The following HS2ST1 variants were observed in gnomAD, a reference collection of about 807,000 sequenced individuals.
HS2ST1 encodes heparan sulfate 2-O-sulfotransferase 1, also known as 2-O-sulfotransferase.
A neutral mutation model predicts 42.9 loss-of-function variants in HS2ST1; 18 were observed. The ratio of observed to expected loss-of-function variants is 0.42; its 90% CI spans 0.29 to 0.62. HS2ST1 has a LOEUF of 0.62. Ranked by LOEUF, HS2ST1 falls within the 20% of genes least tolerant of loss-of-function variation. The probability of loss-of-function intolerance (pLI) is 0.21; values close to 1 mark genes in which losing one functional copy is unlikely to be tolerated. For synonymous variants in HS2ST1, 146 were observed against 152.9 expected, an observed-to-expected ratio of 0.95 and a Z score of 0.33; for missense variants, 334 against 433.8, an observed-to-expected ratio of 0.77 and a Z score of 2.04.
chr1:87,092,606 C>A lies in HS2ST1; in HGVS notation c.525C>A (p.Tyr175Ter). 1 of 1,590,702 alleles carries A rather than the reference C, an allele frequency of 6.3e-7. No homozygotes were observed. The highest frequency in any genetic ancestry group is 8.6e-7 in the Non-Finnish European group (1 of 1,168,282). Residue 175 changes from tyrosine to a stop codon, truncating the protein, a stop_gained, in exon 4 of 7, where the codon TAC becomes TAA. Transcript: ENST00000370550. LOFTEE classifies it high-confidence loss of function. ...DPIERLVSYY[Y>*]FLRFGDDYRP... Reference sequence around the variant, plus strand: ...TTGAGAGGCTAGTTTCTTATTATTACTTTCTGAGATTTGGAGATGATTATA... The same window carrying A: ...TTGAGAGGCTAGTTTCTTATTATTAATTTCTGAGATTTGGAGATGATTATA...
chr1:87,104,760 G>C lies in HS2ST1; in HGVS notation c.*64G>C. On this transcript the variant is annotated 3_prime_UTR_variant, in exon 7 of 7. Transcript: ENST00000370550. ...GACCCTGTCTTCACCTTTGTTCTCA[G>C]CTCCACAGTCTGGATTGCTGACAGT... The C allele has an allele frequency of 2.0e-6, 2 of 985,546 alleles. No homozygotes were observed. The highest frequency in any genetic ancestry group is 3.2e-6 in the Non-Finnish European group (2 of 630,052). 61.1% of individuals were successfully genotyped at this position (985,546 alleles called of 1,614,324 possible). A position where few individuals can be genotyped will look rare whatever the true frequency, so the allele number is the denominator to read the frequency against.
intron 1 of HS2ST1, among the ~76,000 whole-genome samples, chr1:87,059,815 G>C (rs1031730968): frequency 3.3e-5 from 5 of 152,108 alleles, no homozygotes; most frequent in African/African-American, 1.2e-4. Context: ...TCTGACTCTG[G>C]TCAGTACAAT....
chr1:87,109,964 AATG>A lies in HS2ST1; in HGVS notation c.*5271_*5273del, dbSNP rs1412953396. On this transcript the variant is annotated 3_prime_UTR_variant, in exon 7 of 7. Transcript: ENST00000370550. ...AGAATACTGGTTTTGTCATTTCATA[AATG>A]ATATTTTTATAAATATTTTTGAATG... The A allele has an allele frequency of 2.0e-5, 3 of 152,226 alleles. No homozygotes were observed. The highest frequency in any genetic ancestry group is 4.8e-5 in the African/African-American group (2 of 41,554). 9.4% of individuals were successfully genotyped at this position (152,226 alleles called of 1,614,324 possible). A position where few individuals can be genotyped will look rare whatever the true frequency, so the allele number is the denominator to read the frequency against.
At chr1:86,931,009 G>A (rs1484681829) in intron 1 of HS2ST1, among the ~76,000 whole-genome samples, 1 of 151,956 alleles carries the variant, frequency 6.6e-6, no homozygotes, top group African/African-American at 2.4e-5. Flanking sequence ...TAAAAAGAAT[G>A]TTCTTTGAAA....
rs140059668 is a variant in HS2ST1 at position 87,104,887 on chromosome 1, T to C, written c.*191T>C. The C allele has an allele frequency of 1.0e-4, 54 of 516,834 alleles. No individual in the cohort carries two copies. In the East Asian group the frequency reaches 1.6e-3, roughly 16 times the overall value. The allele number at this position is 516,834 out of a possible 1,614,324, so 32.0% of individuals were successfully genotyped here. On this transcript the variant is annotated 3_prime_UTR_variant, in exon 7 of 7. Transcript: ENST00000370550. ...TTGTCAGTGTTCTAAGTTTCAGGCA[T>C]TTTTATTTTTCCTGGCTAAACGTTG...
intron 1 of HS2ST1, among the ~76,000 whole-genome samples, chr1:86,919,236 C>T (rs1315924345): frequency 6.6e-6 from 1 of 152,074 alleles, no homozygotes; most frequent in Non-Finnish European, 1.5e-5. Context: ...TGAGCCACTG[C>T]ACCCGGCCTC....
chr1:86,980,126 T>G (rs1648535414), intron 1 of HS2ST1, among the ~76,000 whole-genome samples: 1 of 152,214 alleles, frequency 6.6e-6, no homozygotes, highest in Admixed American at 6.5e-5. Flanking sequence ...AAAATGTGTA[T>G]TGAATGCCTG....
rs147322449 is a variant in HS2ST1 at position 87,056,859 on chromosome 1, T to C, written c.125-16075T>C. Among the ~76,000 whole-genome samples, 792 of 152,328 alleles carry C rather than the reference T, an allele frequency of 5.2e-3. 4 individuals are homozygous for C. The highest frequency in any genetic ancestry group is 0.024 in the Middle Eastern group (7 of 294). ...CTTGAATAGTGTATATTCATTAATATGGTTTTCTATCACATTGCAGTTAAC... is the reference window on the plus strand; with the variant it reads ...CTTGAATAGTGTATATTCATTAATACGGTTTTCTATCACATTGCAGTTAAC... On this transcript the variant is annotated intron_variant, in intron 1 of 6. Transcript: ENST00000370550.
intron 1 of HS2ST1, among the ~76,000 whole-genome samples, chr1:87,036,151 A>G (rs1650369707): frequency 6.6e-6 from 1 of 152,132 alleles, no homozygotes; most frequent in Non-Finnish European, 1.5e-5. Flanking sequence ...ATCCTGTTTT[A>G]TGGCCACATC....
intron 1 of HS2ST1, among the ~76,000 whole-genome samples, chr1:87,056,222 C>CT (rs1452811601): frequency 6.6e-6 from 1 of 152,130 alleles, no homozygotes; most frequent in Non-Finnish European, 1.5e-5. Context: ...GCAAGATTGC[C>CT]TCTCGTGTTT....
chr1:86,919,874 T>C (rs1441400239), intron 1 of HS2ST1, among the ~76,000 whole-genome samples: 1 of 152,198 alleles, frequency 6.6e-6, no homozygotes, highest in East Asian at 1.9e-4. Flanking sequence ...AATACTTCAT[T>C]GTATTAAAAT....
chr1:86,977,969 A>G (rs903078988), intron 1 of HS2ST1, among the ~76,000 whole-genome samples: 1 of 152,232 alleles, frequency 6.6e-6, no homozygotes. Context: ...CCATAAAATT[A>G]TAGTAAAGCT....
rs1042529754 is a variant in HS2ST1, at chr1:86,914,706, G to A, written c.-331G>A. 6.4e-6 allele frequency: 2 copies of A among 313,398 alleles called. No individual in the cohort carries two copies. Among genetic ancestry groups the A allele is most frequent in the Non-Finnish European group, 1.2e-5 (2 of 167,374 alleles). The allele number at this position is 313,398 out of a possible 1,614,324, so 19.4% of individuals were successfully genotyped here. On this transcript the variant is annotated 5_prime_UTR_variant, in exon 1 of 7. Coordinates refer to ENST00000370550, the MANE Select transcript of HS2ST1 (RefSeq NM_012262.4). ...GGAGGGAAGGAAGGAAGAGAGGGAG[G>A]CGGGCAAGCAGGCGGGCGCGGGGGT...
intron 1 of HS2ST1, among the ~76,000 whole-genome samples, chr1:87,050,339 C>T (rs1056791977): frequency 2.0e-5 from 3 of 151,208 alleles, no homozygotes; most frequent in Non-Finnish European, 3.0e-5. Flanking sequence ...TAATCTTATT[C>T]CTAAAATTTC....
At chr1:86,918,923 G>T in intron 1 of HS2ST1, among the ~76,000 whole-genome samples, 1 of 148,240 alleles carries the variant, frequency 6.7e-6, no homozygotes. Flanking sequence ...ATTAGAATTA[G>T]TAATCCTTTA....
intron 1 of HS2ST1, among the ~76,000 whole-genome samples, chr1:87,014,436 C>G (rs1216566445): frequency 6.6e-6 from 1 of 152,178 alleles, no homozygotes; most frequent in African/African-American, 2.4e-5. Flanking sequence ...CCCACTGGTT[C>G]CCTCCCATGA....
At chr1:87,055,543 G>A (rs1200118272) in intron 1 of HS2ST1, among the ~76,000 whole-genome samples, 1 of 152,140 alleles carries the variant, frequency 6.6e-6, no homozygotes, top group African/African-American at 2.4e-5. Flanking sequence ...ATAAAATCTT[G>A]CATTGTAGAA....
intron 4 of HS2ST1, among the ~76,000 whole-genome samples, chr1:87,095,605 TA>T (rs1473597083): frequency 6.6e-6 from 1 of 152,204 alleles, no homozygotes; most frequent in Non-Finnish European, 1.5e-5. Context: ...AAAATAGGGA[TA>T]TTAAGTAATC....
intron 1 of HS2ST1, chr1:87,045,512 G>T (rs1028538164): frequency 1.1e-6 from 1 of 874,512 alleles, no homozygotes; most frequent in African/African-American, 1.6e-5. Context: ...CACCTGGCTT[G>T]CTGGCACATA....
Sources: gnomAD v4.1 joint callset for allele counts (sites outside exome capture counted in the v4.1 genomes callset) on GRCh38, gnomAD v4.1.1 for gene constraint, MANE v1.5 for transcripts, NCBI Gene and HGNC (gene_info 2026-07-23, HGNC 2026-07-21) for gene names.